The following CNTNAP5 variants were observed in gnomAD, a reference collection of about 807,000 sequenced individuals.
CNTNAP5 encodes contactin associated protein family member 5.
A neutral mutation model predicts 150.2 loss-of-function variants in CNTNAP5; 72 were observed. That is an observed-to-expected ratio of 0.48 (90% CI 0.40 to 0.58). The LOEUF (loss-of-function observed/expected upper bound fraction) is 0.58. CNTNAP5 is among the 20% of genes least tolerant of loss of function. The pLI, the probability that CNTNAP5 is intolerant of heterozygous loss-of-function variation, is 0.00. For synonymous variants in CNTNAP5, 672 were observed against 619.8 expected (o/e 1.08, Z -1.25); for missense variants, 1,636 against 1,626.2 (o/e 1.01, Z -0.10).
At chr2:124,120,820 T>C (rs1473052090) in intron 1 of CNTNAP5, among the ~76,000 whole-genome samples, 1 of 152,204 alleles carries the variant, frequency 6.6e-6, no homozygotes, top group Admixed American at 6.5e-5. Flanking sequence ...GTCATTTTTC[T>C]CGTTATATGA....
chr2:124,095,441 C>T (rs1444315074), intron 1 of CNTNAP5, among the ~76,000 whole-genome samples: 1 of 152,116 alleles, frequency 6.6e-6, no homozygotes. Context: ...CAGCAAACCA[C>T]CATGGCAGAT....
At chr2:124,631,731 T>C (rs766436938) in intron 12 of CNTNAP5, among the ~76,000 whole-genome samples, 58 of 152,254 alleles carry the variant, frequency 3.8e-4, no homozygotes, top group Middle Eastern at 3.4e-3. Context: ...TGGGATCTAA[T>C]TAAACTAAAG....
chr2:124,222,683 T>C (rs1031107526), intron 2 of CNTNAP5, among the ~76,000 whole-genome samples: 2 of 151,958 alleles, frequency 1.3e-5, no homozygotes, highest in African/African-American at 4.8e-5. Context: ...TTTTGCAATA[T>C]TGAACCATCT....
chr2:124,458,239 A>G (rs1033607402), intron 6 of CNTNAP5, among the ~76,000 whole-genome samples: 1 of 146,928 alleles, frequency 6.8e-6, no homozygotes, highest in Non-Finnish European at 1.5e-5. Flanking sequence ...TATATATTAT[A>G]TATAATATAA....
At chr2:124,769,878 T>G (rs1262552364) in intron 16 of CNTNAP5, among the ~76,000 whole-genome samples, 1 of 152,140 alleles carries the variant, frequency 6.6e-6, no homozygotes, top group African/African-American at 2.4e-5. Flanking sequence ...CTGTAAAAGA[T>G]TCCCTGTCTC....
chr2:124,239,820 GC>G (rs1221300039), intron 2 of CNTNAP5, among the ~76,000 whole-genome samples: 5 of 151,884 alleles, frequency 3.3e-5, no homozygotes, highest in African/African-American at 1.2e-4. Context: ...CTCTCTATAA[GC>G]CTCTCTGTCA....
intron 3 of CNTNAP5, among the ~76,000 whole-genome samples, chr2:124,288,618 A>C (rs1287997461): frequency 6.6e-6 from 1 of 152,222 alleles, no homozygotes; most frequent in African/African-American, 2.4e-5. Context: ...ATAATAAAAA[A>C]TGGAACTCAT....
chr2:124,092,744 T>C (rs1044543282), intron 1 of CNTNAP5, among the ~76,000 whole-genome samples: 2 of 152,244 alleles, frequency 1.3e-5, no homozygotes, highest in African/African-American at 4.8e-5. Context: ...GTTGGTCTCC[T>C]CACCTCTGTA....
chr2:124,209,656 C>T (rs1296336579), intron 1 of CNTNAP5, among the ~76,000 whole-genome samples: 1 of 152,122 alleles, frequency 6.6e-6, no homozygotes, highest in Admixed American at 6.6e-5. Context: ...GAGCAATTCT[C>T]TGTGGTCATC....
Position 124,356,396 on chromosome 2 carries a change from C to T in CNTNAP5, c.382-61047C>T, listed in dbSNP as rs1252597974. Among the ~76,000 whole-genome samples the T allele has an allele frequency of 1.6e-4, 24 of 149,270 alleles. No individual in the cohort carries two copies. The East Asian group carries it at 3.4e-3, about 21-fold the overall frequency. On this transcript the variant is annotated intron_variant, in intron 3 of 23. Transcript: ENST00000682447. ...TATGTATACATGTGCCATGCTGGTG[C>T]GCTGCACCCACTAAATCGTCATCTA...
chr2:124,129,991 A>G, intron 1 of CNTNAP5, among the ~76,000 whole-genome samples: 1 of 152,176 alleles, frequency 6.6e-6, no homozygotes, highest in South Asian at 2.1e-4. Context: ...ATCTTTTGGC[A>G]TTAAATCCCG....
intron 13 of CNTNAP5, among the ~76,000 whole-genome samples, chr2:124,744,529 T>A (rs2105142031): frequency 6.6e-6 from 1 of 152,298 alleles, no homozygotes; most frequent in East Asian, 1.9e-4. Flanking sequence ...GGAGGGCATG[T>A]TTTGTTTGTT....
chr2:124,265,350 C>T (rs1454950549), intron 3 of CNTNAP5, among the ~76,000 whole-genome samples: 1 of 152,116 alleles, frequency 6.6e-6, no homozygotes, highest in African/African-American at 2.4e-5. Context: ...CGGCAGGGCA[C>T]CTCTGCACAC....
intron 1 of CNTNAP5, among the ~76,000 whole-genome samples, chr2:124,076,443 A>T (rs966304634): frequency 6.6e-6 from 1 of 152,134 alleles, no homozygotes; most frequent in East Asian, 1.9e-4. Flanking sequence ...TATAGTGTTC[A>T]CATTTGAAGC....
intron 19 of CNTNAP5, among the ~76,000 whole-genome samples, chr2:124,839,819 T>TCA (rs1682908653): frequency 6.6e-6 from 1 of 152,092 alleles, no homozygotes; most frequent in Non-Finnish European, 1.5e-5. Context: ...GAATGTACTG[T>TCA]CAATTGTGAA....
intron 3 of CNTNAP5, among the ~76,000 whole-genome samples, chr2:124,408,042 G>T (rs551300526): frequency 4.6e-5 from 7 of 152,324 alleles, no homozygotes; most frequent in Non-Finnish European, 8.8e-5. Context: ...TACGCCAGCC[G>T]AAGCAGGGCG....
chr2:124,538,550 G>A (rs1346936064), intron 10 of CNTNAP5, among the ~76,000 whole-genome samples: 3 of 122,040 alleles, frequency 2.5e-5, no homozygotes, highest in Non-Finnish European at 5.2e-5. Context: ...GAAAGAAAGA[G>A]AGAAAGAAAG....
At chr2:124,712,191 G>A (rs1263934819) in intron 13 of CNTNAP5, among the ~76,000 whole-genome samples, 1 of 152,150 alleles carries the variant, frequency 6.6e-6, no homozygotes, top group South Asian at 2.1e-4. Context: ...TCAGACTCAT[G>A]TTGGGTGGAT....
Position 124,259,127 on chromosome 2 carries a change from G to A in CNTNAP5, c.381+16734G>A, listed in dbSNP as rs189754538. Among the ~76,000 whole-genome samples, 16 of 151,678 alleles carry A rather than the reference G, an allele frequency of 1.1e-4. No homozygotes were observed. The East Asian group carries it at 1.4e-3, about 13-fold the overall frequency. ...GTGATGTTTGGTTTTTTGTCCTTGC[G>A]ATAGTGTGCTGAGAATGATAGTTTC... On this transcript the variant is annotated intron_variant, in intron 3 of 23. Transcript: ENST00000682447.
Sources: allele counts gnomAD v4.1 joint callset (sites outside exome capture counted in the v4.1 genomes callset), GRCh38; gene constraint gnomAD v4.1.1; transcripts MANE v1.5; gene names NCBI Gene and HGNC (gene_info 2026-07-23, HGNC 2026-07-21).